MRTFA: variants seen among roughly 807,000 people sequenced by gnomAD.
MRTFA encodes myocardin related transcription factor A.
In MRTFA, 20 loss-of-function variants were observed where a neutral mutation model predicts 83.5. The observed-to-expected ratio is 0.24, with a 90% CI of 0.17 to 0.35. The LOEUF is 0.35. Ranked by LOEUF, MRTFA falls within the 10% of genes least tolerant of loss-of-function variation. The pLI is 1.00. For missense variants in MRTFA, 1,200 were observed against 1,224.7 expected (o/e 0.98, Z 0.30); for synonymous variants, 659 against 541.2 (o/e 1.22, Z -3.02).
At chr22:40,558,012 G>A (rs2055553651) in intron 2 of MRTFA, among the ~76,000 whole-genome samples, 1 of 152,034 alleles carries the variant, frequency 6.6e-6, no homozygotes, top group South Asian at 2.1e-4. Context: ...GGACTCAAGT[G>A]AGCCACCTGC....
chr22:40,522,904 T>C (rs1342145351), intron 3 of MRTFA: 1 of 152,008 alleles, frequency 6.6e-6, no homozygotes, highest in Non-Finnish European at 1.5e-5. Flanking sequence ...CACAGAGGGG[T>C]AGCACAGGAG....
rs771103539 is a variant in MRTFA, at chr22:40,451,975, GTTTTTTT to G, written c.307+11239_307+11245del. Among the ~76,000 whole-genome samples the G allele has an allele frequency of 1.6e-4, 13 of 80,478 alleles. No individual in the cohort carries two copies. The South Asian group carries it at 3.4e-3, about 21-fold the overall frequency. 52.8% of individuals were successfully genotyped at this position (80,478 alleles called of 152,430 possible). A position where few individuals can be genotyped will look rare whatever the true frequency, so the allele number is the denominator to read the frequency against. ...ACCTGGCTGAAGTTTTTTTTTTTTG[GTTTTTTT>G]TTTTTTTTTTTTTTTTTTTGAGACA... is the stretch of plus-strand genomic sequence containing the variant. On this transcript the variant is annotated intron_variant, in intron 4 of 14. Coordinates refer to ENST00000355630, the MANE Select transcript of MRTFA (RefSeq NM_020831.6).
chr22:40,550,004 G>A (rs888295957), intron 3 of MRTFA, among the ~76,000 whole-genome samples: 3 of 146,416 alleles, frequency 2.0e-5, no homozygotes, highest in Non-Finnish European at 3.0e-5. Context: ...AGCCAAGGTC[G>A]CATCACTGCA....
intron 3 of MRTFA, among the ~76,000 whole-genome samples, chr22:40,474,737 A>C (rs1332370049): frequency 6.6e-6 from 1 of 152,254 alleles, no homozygotes; most frequent in Non-Finnish European, 1.5e-5. Flanking sequence ...ACATACATAA[A>C]GTAAGTTCTA....
chr22:40,599,253 G>C (rs758168831), intron 1 of MRTFA, among the ~76,000 whole-genome samples: 1 of 151,988 alleles, frequency 6.6e-6, no homozygotes, highest in Non-Finnish European at 1.5e-5. Context: ...AGCCGAGATC[G>C]GGCCATTGCA....
chr22:40,536,062 G>A (rs55960299), intron 3 of MRTFA, among the ~76,000 whole-genome samples: 8 of 151,692 alleles, frequency 5.3e-5, no homozygotes, highest in Non-Finnish European at 1.0e-4. Flanking sequence ...TAGGCCAAAC[G>A]GGAGGGTGGG....
intron 2 of MRTFA, among the ~76,000 whole-genome samples, chr22:40,572,100 C>T (rs192124377): frequency 4.0e-4 from 60 of 151,690 alleles, no homozygotes; most frequent in Non-Finnish European, 5.9e-4. Context: ...GGTGAAGATG[C>T]GGACAAACTG....
chr22:40,471,275 C>T lies in MRTFA; in HGVS notation c.242-7989G>A, dbSNP rs773483202. 1.3e-4 allele frequency among the ~76,000 whole-genome samples: 19 copies of T among 148,368 alleles called. 1 individual carries two copies. In the South Asian group the frequency reaches 3.2e-3, roughly 25 times the overall value. On this transcript the variant is annotated intron_variant, in intron 3 of 14. Transcript: ENST00000355630. Reference sequence around the variant, plus strand: ...AGAATTAGCCAGATGTGGTGGCACGCGCCTGTAATCCCAGCTACTTGGGAG... The same window carrying T: ...AGAATTAGCCAGATGTGGTGGCACGTGCCTGTAATCCCAGCTACTTGGGAG...
At position 40,423,641 on chromosome 22, in the gene MRTFA, A is replaced by G. The variant is rs753094325; in HGVS notation, c.822T>C (p.Leu274=). 6.3e-7 allele frequency: 1 copy of G among 1,590,972 alleles called. No homozygotes were observed. Residue 274 remains leucine, a synonymous_variant, in exon 9 of 15, where the codon CTT becomes CTC. Coordinates refer to ENST00000355630, the MANE Select transcript of MRTFA (RefSeq NM_020831.6). ...GCAGAGGAGGCTGCTCTGCCAGGAAAAGCATTTCTCTGGAATCCCGGCCCA... is the reference window on the plus strand; with the variant it reads ...GCAGAGGAGGCTGCTCTGCCAGGAAGAGCATTTCTCTGGAATCCCGGCCCA...
In MRTFA at chr22:40,459,830, C is replaced by CATATATATACATAT. The variant is rs2053673463; in HGVS notation, c.307+3390_307+3391insATATGTATATATAT. ...ACACACACACACACACACATATATA[C>CATATATATACATAT]ATATATATATATATATATATATATA... On this transcript the variant is annotated intron_variant, in intron 4 of 14. Coordinates refer to ENST00000355630, the MANE Select transcript of MRTFA (RefSeq NM_020831.6). Among the ~76,000 whole-genome samples, 65 of 86,942 alleles carry CATATATATACATAT rather than the reference C, an allele frequency of 7.5e-4. 1 individual carries two copies. The highest frequency in any genetic ancestry group is 7.0e-3 in the Middle Eastern group (1 of 142). The allele number at this position is 86,942 out of a possible 152,430, so 57.0% of individuals were successfully genotyped here. A position where few individuals can be genotyped will look rare whatever the true frequency, so the allele number is the denominator to read the frequency against.
intron 3 of MRTFA, among the ~76,000 whole-genome samples, chr22:40,490,893 A>G (rs1406826742): frequency 1.3e-5 from 2 of 152,210 alleles, no homozygotes; most frequent in Non-Finnish European, 2.9e-5. Context: ...TCTTTTATTC[A>G]TATTTGACAG....
rs1210448502 is a variant in MRTFA, at chr22:40,500,251, T to TA, written c.242-36966dup. Reference sequence around the variant, plus strand: ...GCCCAGTCTATGATTTTTTTTTTTTTATGCTTCATTAAAGTAAAAGTCTAT... The same window carrying TA: ...GCCCAGTCTATGATTTTTTTTTTTTTAATGCTTCATTAAAGTAAAAGTCTAT... On this transcript the variant is annotated intron_variant, in intron 3 of 14. Transcript: ENST00000355630. Among the ~76,000 whole-genome samples the TA allele has an allele frequency of 5.3e-5, 8 of 151,310 alleles. No individual in the cohort carries two copies. In the East Asian group the frequency reaches 1.3e-3, roughly 26 times the overall value.
chr22:40,540,740 A>G (rs1602406599), intron 3 of MRTFA, among the ~76,000 whole-genome samples: 2 of 143,272 alleles, frequency 1.4e-5, no homozygotes, highest in African/African-American at 5.1e-5. Context: ...TGGTGCCACT[A>G]CACTCCAGCC....
chr22:40,607,139 G>A (rs193053193), intron 1 of MRTFA, among the ~76,000 whole-genome samples: 1 of 152,134 alleles, frequency 6.6e-6, no homozygotes, highest in African/African-American at 2.4e-5. Context: ...GCTGGGTGAA[G>A]CCATAACCTC....
At position 40,456,817 on chromosome 22, in the gene MRTFA, C is replaced by A. The variant is rs553055082; in HGVS notation, c.307+6404G>T. On this transcript the variant is annotated intron_variant, in intron 4 of 14. Coordinates refer to ENST00000355630, the MANE Select transcript of MRTFA (RefSeq NM_020831.6). ...TTGAAGTCTCTGTATCCTTTGATTT[C>A]TTTTGTCATCTCTGCACAAACTGGG... Among the ~76,000 whole-genome samples the A allele has an allele frequency of 9.9e-5, 15 of 152,250 alleles. No individual in the cohort carries two copies. In the East Asian group the frequency reaches 2.3e-3, roughly 23 times the overall value.
intron 2 of MRTFA, among the ~76,000 whole-genome samples, chr22:40,558,078 TTTTC>T (rs900617262): frequency 7.3e-5 from 11 of 149,926 alleles, no homozygotes; most frequent in East Asian, 4.0e-4. Flanking sequence ...AGTCCAGCCT[TTTTC>T]TTTCTTTCTT....
intron 3 of MRTFA, among the ~76,000 whole-genome samples, chr22:40,485,623 G>A (rs536097977): frequency 4.6e-5 from 7 of 152,132 alleles, no homozygotes; most frequent in Non-Finnish European, 8.8e-5. Context: ...ACATGAATGC[G>A]GCCTAAATTG....
At chr22:40,506,944 CA>C (rs1052333918) in intron 3 of MRTFA, among the ~76,000 whole-genome samples, 136 of 152,272 alleles carry the variant, frequency 8.9e-4, no homozygotes, top group Middle Eastern at 3.4e-3. Context: ...TCAATGACCA[CA>C]TATAAGAAAT....
At chr22:40,442,761 A>G (rs1388464890) in intron 4 of MRTFA, among the ~76,000 whole-genome samples, 1 of 152,180 alleles carries the variant, frequency 6.6e-6, no homozygotes, top group African/African-American at 2.4e-5. Context: ...TGTGTAAATG[A>G]ATTGAATAGG....
Sources: allele counts gnomAD v4.1 joint callset (sites outside exome capture counted in the v4.1 genomes callset), GRCh38; gene constraint gnomAD v4.1.1; transcripts MANE v1.5; gene names NCBI Gene and HGNC (gene_info 2026-07-23, HGNC 2026-07-21).